COL23A1: variants seen among roughly 807,000 people sequenced by gnomAD.
COL23A1 encodes collagen alpha-1(XXIII) chain.
A neutral mutation model predicts 99.3 loss-of-function variants in COL23A1; 97 were observed. That is an observed-to-expected ratio of 0.98 (90% CI 0.83 to 1.16). The LOEUF is 1.16. Ranked by LOEUF, COL23A1 falls within the 50% of genes most tolerant of loss-of-function variation. The pLI is 0.00. For missense variants in COL23A1, 762 were observed against 757.4 expected (o/e 1.01, Z -0.07); for synonymous variants, 320 against 308.2 (o/e 1.04, Z -0.40).
rs1013277426 is a variant in COL23A1 at position 178,455,414 on chromosome 5, G to C, written c.361+105268C>G. Among the ~76,000 whole-genome samples the C allele has an allele frequency of 3.9e-5, 6 of 152,286 alleles. No homozygotes were observed. In the South Asian group the frequency reaches 6.2e-4, roughly 16 times the overall value. On this transcript the variant is annotated intron_variant, in intron 2 of 28. Coordinates refer to ENST00000390654, the MANE Select transcript of COL23A1 (RefSeq NM_173465.4). ...CTGACACAGCAGGGTGGAACCCCAG[G>C]GGGGCTGCAGCCAGGGCAAGTCACT...
chr5:178,260,330 T>G (rs1367140562), intron 11 of COL23A1, among the ~76,000 whole-genome samples: 1 of 152,166 alleles, frequency 6.6e-6, no homozygotes, highest in African/African-American at 2.4e-5. Flanking sequence ...AACCCAGACA[T>G]GGACTATCAT....
At position 178,263,163 on chromosome 5, in the gene COL23A1, G is replaced by A. The variant is rs578135221; in HGVS notation, c.639+45C>T. The A allele has an allele frequency of 3.6e-6, 5 of 1,401,072 alleles. No individual in the cohort carries two copies. The African/African-American group carries it at 4.2e-5, about 12-fold the overall frequency. The allele number at this position is 1,401,072 out of a possible 1,614,324, so 86.8% of individuals were successfully genotyped here. A position where few individuals can be genotyped will look rare whatever the true frequency, so the allele number is the denominator to read the frequency against. On this transcript the variant is annotated intron_variant, in intron 9 of 28. Coordinates refer to ENST00000390654, the MANE Select transcript of COL23A1 (RefSeq NM_173465.4). ...GCTGGCTCTGGAATCAGGATTTGGGGTTTTGGTCAAGTCCTGCGTGGCCCA... is the reference window on the plus strand; with the variant it reads ...GCTGGCTCTGGAATCAGGATTTGGGATTTTGGTCAAGTCCTGCGTGGCCCA...
At position 178,340,755 on chromosome 5, in the gene COL23A1, G is replaced by A. The variant is rs980896265; in HGVS notation, c.362-33836C>T. Among the ~76,000 whole-genome samples the A allele has an allele frequency of 6.6e-6, 1 of 152,216 alleles. No homozygotes were observed. Among genetic ancestry groups the A allele is most frequent in the Non-Finnish European group, 1.5e-5 (1 of 68,038 alleles). On this transcript the variant is annotated intron_variant, in intron 2 of 28. Transcript: ENST00000390654. The surrounding 1 kb of genome is among the most constrained non-coding windows in gnomAD (Gnocchi z 4.7). ...GAGTCTCACCGGAATGGAGGTGGGC[G>A]GGAATGGAGGTGGCCGGGGCAAGGC...
intron 3 of COL23A1, among the ~76,000 whole-genome samples, chr5:178,291,489 G>A (rs1254114664): frequency 6.6e-6 from 1 of 152,216 alleles, no homozygotes; most frequent in Non-Finnish European, 1.5e-5. Context: ...TTGCAGAGAT[G>A]GACAAGCTCA....
intron 6 of COL23A1, 55 bp from the exon 7 acceptor site, chr5:178,268,811 CCCCTTCTGGCTT>C: frequency 6.4e-7 from 1 of 1,561,990 alleles, no homozygotes; most frequent in Non-Finnish European, 8.7e-7. Flanking sequence ...TAGGCTGGCT[CCCCTTCTGGCTT>C]CCCTATACCT....
intron 19 of COL23A1, 110 bp downstream of exon 19, chr5:178,249,007 G>T: frequency 9.3e-7 from 1 of 1,080,846 alleles, no homozygotes. Context: ...CACTGAGACC[G>T]CAGGGGCTGT....
chr5:178,444,038 C>A (rs568863106), intron 2 of COL23A1, among the ~76,000 whole-genome samples: 1 of 151,848 alleles, frequency 6.6e-6, no homozygotes, highest in East Asian at 1.9e-4. Context: ...CCTGCCTCTA[C>A]AAAAAATAAA....
intron 2 of COL23A1, among the ~76,000 whole-genome samples, chr5:178,529,030 C>T (rs145865129): frequency 2.0e-5 from 3 of 152,348 alleles, no homozygotes; most frequent in Non-Finnish European, 2.9e-5. Flanking sequence ...TCTATGGCCT[C>T]GCAGGGCTGG....
chr5:178,353,535 C>A (rs1394790066), intron 2 of COL23A1, among the ~76,000 whole-genome samples: 1 of 152,136 alleles, frequency 6.6e-6, no homozygotes, highest in Non-Finnish European at 1.5e-5. Context: ...GGGCCATTTG[C>A]CGAAAAGGAA....
intron 12 of COL23A1, among the ~76,000 whole-genome samples, chr5:178,258,939 A>G (rs1247607417): frequency 1.5e-5 from 2 of 132,348 alleles, no homozygotes; most frequent in African/African-American, 5.9e-5. Flanking sequence ...TTTTGAGACG[A>G]GTCTCACTCT....
intron 2 of COL23A1, chr5:178,352,127 C>G (rs943025262): frequency 3.9e-5 from 6 of 152,242 alleles, no homozygotes; most frequent in African/African-American, 1.4e-4. Flanking sequence ...CCTGGCTTCT[C>G]TACTCAGCTC....
At chr5:178,479,098 C>T (rs1197613010) in intron 2 of COL23A1, among the ~76,000 whole-genome samples, 1 of 131,548 alleles carries the variant, frequency 7.6e-6, no homozygotes, top group Non-Finnish European at 1.8e-5. Flanking sequence ...AAGGATCACC[C>T]TCATGATGAT....
chr5:178,316,573 TAAGAG>T (rs1392438513), intron 2 of COL23A1, among the ~76,000 whole-genome samples: 2 of 152,208 alleles, frequency 1.3e-5, no homozygotes, highest in Admixed American at 1.3e-4. Context: ...TTTCACTTAC[TAAGAG>T]AAGTCTGTGC....
intron 2 of COL23A1, among the ~76,000 whole-genome samples, chr5:178,537,337 A>G (rs1761029090): frequency 6.6e-6 from 1 of 152,248 alleles, no homozygotes; most frequent in Admixed American, 6.5e-5. Flanking sequence ...TTCTGCCAGA[A>G]GAAAGAGCTC....
rs139563539 is a variant in COL23A1 at position 178,366,058 on chromosome 5, C to A, written c.362-59139G>T. Reference sequence around the variant, plus strand: ...CTCGCTTCAGATGACGCCCCCAGTGCCAGGTGATCATCTGCCGCTGTGTCC... The same window carrying A: ...CTCGCTTCAGATGACGCCCCCAGTGACAGGTGATCATCTGCCGCTGTGTCC... On this transcript the variant is annotated intron_variant, in intron 2 of 28. Coordinates refer to ENST00000390654, the MANE Select transcript of COL23A1 (RefSeq NM_173465.4). This position sits in a 1 kb window ranked among gnomAD's most constrained non-coding sequence, Gnocchi z 4.4. 3.3e-5 allele frequency among the ~76,000 whole-genome samples: 5 copies of A among 152,302 alleles called. No individual in the cohort carries two copies. The South Asian group carries it at 1.0e-3, about 32-fold the overall frequency.
At chr5:178,500,424 C>CCAAAAAA (rs1554184902) in intron 2 of COL23A1, among the ~76,000 whole-genome samples, 1 of 65,696 alleles carries the variant, frequency 1.5e-5, no homozygotes, top group East Asian at 4.3e-4. Context: ...CCCATCTCTA[C>CCAAAAAA]AAAAAAAAAA....
intron 2 of COL23A1, among the ~76,000 whole-genome samples, chr5:178,492,911 G>A (rs553442242): frequency 3.3e-5 from 5 of 152,226 alleles, no homozygotes; most frequent in South Asian, 2.1e-4. Context: ...CGTGAAATGC[G>A]GGTAATGACA....
intron 2 of COL23A1, among the ~76,000 whole-genome samples, chr5:178,330,031 A>C (rs909841525): frequency 1.3e-5 from 2 of 151,912 alleles, no homozygotes; most frequent in Admixed American, 6.5e-5. Context: ...TGGCGCCATC[A>C]GTTGAAAGAT....
intron 2 of COL23A1, among the ~76,000 whole-genome samples, chr5:178,546,797 C>T (rs2113396763): frequency 6.6e-6 from 1 of 152,308 alleles, no homozygotes; most frequent in South Asian, 2.1e-4. Context: ...CAGAAGGCAG[C>T]CTGAGGCAAC....
Sources: allele counts gnomAD v4.1 joint callset (sites outside exome capture counted in the v4.1 genomes callset), GRCh38; gene constraint gnomAD v4.1.1; non-coding constraint Gnocchi (gnomAD v3.1); transcripts MANE v1.5; gene names NCBI Gene and HGNC (gene_info 2026-07-23, HGNC 2026-07-21).